The following DOCK4 variants were observed in gnomAD, a reference collection of about 807,000 sequenced individuals.
The protein encoded by DOCK4 is dedicator of cytokinesis 4.
A neutral mutation model predicts 268.1 loss-of-function variants in DOCK4; 97 were observed. The ratio of observed to expected loss-of-function variants is 0.36; its 90% CI spans 0.31 to 0.43. DOCK4 has a LOEUF of 0.43. Ranked by LOEUF, DOCK4 falls within the 20% of genes least tolerant of loss-of-function variation. The pLI, the probability that DOCK4 is intolerant of heterozygous loss-of-function variation, is 1.00. For synonymous variants in DOCK4, 954 were observed against 887.2 expected (o/e 1.08, Z -1.34); for missense variants, 2,145 against 2,455.7 (o/e 0.87, Z 2.67).
intron 7 of DOCK4, among the ~76,000 whole-genome samples, chr7:111,978,379 G>A (rs772843571): frequency 2.0e-5 from 3 of 152,066 alleles, no homozygotes; most frequent in East Asian, 1.9e-4. Flanking sequence ...CTACAGGCAC[G>A]TGTTACCACA....
At chr7:111,895,275 G>C (rs1394328896) in intron 16 of DOCK4, among the ~76,000 whole-genome samples, 1 of 152,160 alleles carries the variant, frequency 6.6e-6, no homozygotes, top group Non-Finnish European at 1.5e-5. Flanking sequence ...GGGATACACA[G>C]ACCTAGATAA....
At chr7:111,862,743 T>G (rs1805658535) in intron 23 of DOCK4, 1 of 152,466 alleles carries the variant, frequency 6.6e-6, no homozygotes, top group South Asian at 2.1e-4. Context: ...CTGGCCGCCT[T>G]GGCCTCCCAA....
chr7:112,079,438 T>C (rs778202696), intron 1 of DOCK4, among the ~76,000 whole-genome samples: 1 of 152,168 alleles, frequency 6.6e-6, no homozygotes, highest in Non-Finnish European at 1.5e-5. Flanking sequence ...AATATAACTT[T>C]AGTACCAAGG....
intron 1 of DOCK4, among the ~76,000 whole-genome samples, chr7:112,157,007 T>A (rs1326717758): frequency 1.3e-5 from 2 of 152,202 alleles, no homozygotes; most frequent in African/African-American, 2.4e-5. Context: ...AAGTTTTTTT[T>A]AATGTTATCT....
intron 1 of DOCK4, among the ~76,000 whole-genome samples, chr7:112,116,861 G>A (rs1328557196): frequency 1.3e-5 from 2 of 151,998 alleles, no homozygotes; most frequent in African/African-American, 4.8e-5. Flanking sequence ...CAAAGTGCTG[G>A]GATTACAGGC....
intron 16 of DOCK4, among the ~76,000 whole-genome samples, chr7:111,877,770 A>G (rs1489559517): frequency 6.6e-6 from 1 of 152,228 alleles, no homozygotes; most frequent in Non-Finnish European, 1.5e-5. Context: ...ACAGACTTAG[A>G]AAATATAATT....
At chr7:112,085,728 G>A (rs902230888) in intron 1 of DOCK4, among the ~76,000 whole-genome samples, 1 of 152,086 alleles carries the variant, frequency 6.6e-6, no homozygotes, top group African/African-American at 2.4e-5. Flanking sequence ...AAATCCATCA[G>A]GGAAAGCTTG....
chr7:111,955,409 T>G (rs941321843), intron 8 of DOCK4, among the ~76,000 whole-genome samples: 1 of 152,206 alleles, frequency 6.6e-6, no homozygotes, highest in Non-Finnish European at 1.5e-5. Context: ...AATTGAGTGT[T>G]GAGGACTATG....
chr7:111,961,820 T>C (rs1796921770), intron 8 of DOCK4, among the ~76,000 whole-genome samples: 1 of 152,224 alleles, frequency 6.6e-6, no homozygotes, highest in Non-Finnish European at 1.5e-5. Flanking sequence ...CAGAATGGAA[T>C]TCAGACCATC....
At chr7:112,076,583 C>G (rs1032282421) in intron 1 of DOCK4, among the ~76,000 whole-genome samples, 3 of 152,098 alleles carry the variant, frequency 2.0e-5, no homozygotes, top group Admixed American at 2.0e-4. Context: ...TGGACATTCT[C>G]CAGGTAGCCA....
intron 26 of DOCK4, among the ~76,000 whole-genome samples, chr7:111,827,940 G>T (rs187283221): frequency 6.6e-6 from 1 of 152,088 alleles, no homozygotes; most frequent in Non-Finnish European, 1.5e-5. Flanking sequence ...AGTTATAATC[G>T]TGCTGTACTT....
chr7:111,883,533 C>T (rs529958589), intron 16 of DOCK4, among the ~76,000 whole-genome samples: 1 of 152,142 alleles, frequency 6.6e-6, no homozygotes, highest in Non-Finnish European at 1.5e-5. Context: ...CTCTCCTCCC[C>T]CTAACTGCCT....
chr7:112,005,157 G>A (rs1219057929), intron 1 of DOCK4, among the ~76,000 whole-genome samples: 1 of 152,118 alleles, frequency 6.6e-6, no homozygotes, highest in Non-Finnish European at 1.5e-5. Context: ...ATTTTAGGAG[G>A]GAAACTTATA....
intron 27 of DOCK4, 84 bp downstream of exon 27, chr7:111,822,276 CTT>C (rs967510658): frequency 3.4e-6 from 4 of 1,175,926 alleles, no homozygotes; most frequent in Non-Finnish European, 1.2e-6. Flanking sequence ...AAACTGCAAA[CTT>C]GAGATCAAAT....
intron 1 of DOCK4, among the ~76,000 whole-genome samples, chr7:112,142,937 G>T (rs1176264137): frequency 6.6e-6 from 1 of 152,008 alleles, no homozygotes; most frequent in Non-Finnish European, 1.5e-5. Flanking sequence ...TAGACATTAG[G>T]TTGTACCTGG....
chr7:111,987,596 A>G (rs1431155017), intron 6 of DOCK4, among the ~76,000 whole-genome samples: 1 of 152,228 alleles, frequency 6.6e-6, no homozygotes, highest in Non-Finnish European at 1.5e-5. Context: ...TTCCCACGGC[A>G]GGATAGGAAG....
chr7:111,908,535 T>G (rs912807325), intron 13 of DOCK4, among the ~76,000 whole-genome samples: 1 of 152,080 alleles, frequency 6.6e-6, no homozygotes, highest in Non-Finnish European at 1.5e-5. Flanking sequence ...TTTTTTATAT[T>G]TTTGTTTGTA....
chr7:111,993,888 A>T (rs887169003), intron 5 of DOCK4, among the ~76,000 whole-genome samples: 1 of 152,230 alleles, frequency 6.6e-6, no homozygotes, highest in African/African-American at 2.4e-5. Context: ...GTCCATGTAA[A>T]CCATCCTATT....
At chr7:112,170,113 T>C (rs1020621115) in intron 1 of DOCK4, among the ~76,000 whole-genome samples, 9 of 151,982 alleles carry the variant, frequency 5.9e-5, no homozygotes, top group African/African-American at 2.2e-4. Flanking sequence ...GATCGTCTTA[T>C]GACAAAAGAG....
Sources: allele counts gnomAD v4.1 joint callset (sites outside exome capture counted in the v4.1 genomes callset), GRCh38; gene constraint gnomAD v4.1.1; transcripts MANE v1.5; gene names NCBI Gene and HGNC (gene_info 2026-07-23, HGNC 2026-07-21).